Variants in TTC27 observed in about 807,000 individuals in gnomAD.
TTC27 encodes the protein tetratricopeptide repeat domain 27.
Under a neutral mutation model 115.9 loss-of-function variants are expected in TTC27, and 79 were observed. The ratio of observed to expected loss-of-function variants is 0.68; its 90% CI spans 0.57 to 0.82. The LOEUF (loss-of-function observed/expected upper bound fraction) is 0.82. TTC27 is among the 40% of genes least tolerant of loss of function. The pLI is 0.00. For synonymous variants in TTC27, 401 were observed against 356.0 expected, an observed-to-expected ratio of 1.13 and a Z score of -1.42; for missense variants, 1,054 against 993.1, an observed-to-expected ratio of 1.06 and a Z score of -0.82.
intron 14 of TTC27, among the ~76,000 whole-genome samples, chr2:32,779,428 G>GC (rs1035539345): frequency 2.5e-4 from 38 of 152,028 alleles, no homozygotes; most frequent in Non-Finnish European, 8.8e-5. Context: ...ATGCTTCTTG[G>GC]CCATTCGTAT....
intron 13 of TTC27, among the ~76,000 whole-genome samples, chr2:32,759,568 A>G (rs570168152): frequency 6.6e-6 from 1 of 152,352 alleles, no homozygotes; most frequent in South Asian, 2.1e-4. Flanking sequence ...CCTGGGCAAC[A>G]TAGTGAGACC....
At chr2:32,668,854 C>T (rs1036826432) in intron 7 of TTC27, among the ~76,000 whole-genome samples, 2 of 151,656 alleles carry the variant, frequency 1.3e-5, no homozygotes, top group African/African-American at 2.4e-5. Flanking sequence ...CCGAGGTGGA[C>T]GGATCATGAG....
At position 32,633,903 on chromosome 2, in the gene TTC27, G is replaced by T; in HGVS notation, c.294G>T (p.Val98=). The T allele has an allele frequency of 6.2e-7, 1 of 1,613,826 alleles. No homozygotes were observed. Among genetic ancestry groups the T allele is most frequent in the Non-Finnish European group, 8.5e-7 (1 of 1,179,884 alleles). ...AACAGTTGATATTTCTACTTGGTGTGAGCAGTTTGCAACTTTTTGTTCAGA... is the reference window on the plus strand; with the variant it reads ...AACAGTTGATATTTCTACTTGGTGTTAGCAGTTTGCAACTTTTTGTTCAGA... ...ERQQLIFLLG[V]SSLQLFVQSN... Residue 98 remains valine, a synonymous_variant, in exon 3 of 20, where the codon GTG becomes GTT. Transcript: ENST00000317907.
At chr2:32,762,909 G>A (rs1264489732) in intron 13 of TTC27, among the ~76,000 whole-genome samples, 4 of 152,162 alleles carry the variant, frequency 2.6e-5, no homozygotes, top group Admixed American at 6.5e-5. Flanking sequence ...CAAAGTGCTG[G>A]GATTACAGGC....
chr2:32,706,868 C>T (rs1667390178), intron 10 of TTC27, among the ~76,000 whole-genome samples: 1 of 152,186 alleles, frequency 6.6e-6, no homozygotes, highest in South Asian at 2.1e-4. Context: ...TGGCCCCCTT[C>T]TTTATTTTAG....
At chr2:32,813,911 T>C (rs1216150811) in intron 18 of TTC27, among the ~76,000 whole-genome samples, 2 of 152,168 alleles carry the variant, frequency 1.3e-5, no homozygotes, top group African/African-American at 4.8e-5. Flanking sequence ...AATAGAGCCG[T>C]AGAAGGATGT....
rs1232498309 is a variant in TTC27 at position 32,668,524 on chromosome 2, T to A, written c.939+1756T>A. ...TCTTTCTTTTCTTTTCTCCTTTTCT[T>A]CTTTCTTCCCTTCCTCCCTCCCTCC... On this transcript the variant is annotated intron_variant, in intron 7 of 19. Transcript: ENST00000317907. Among the ~76,000 whole-genome samples the A allele has an allele frequency of 2.6e-5, 3 of 113,814 alleles. No individual in the cohort carries two copies. In the Admixed American group the frequency reaches 2.6e-4, roughly 10 times the overall value. The allele number at this position is 113,814 out of a possible 152,430, so 74.7% of individuals were successfully genotyped here. A position where few individuals can be genotyped will look rare whatever the true frequency, so the allele number is the denominator to read the frequency against.
rs1194649930 is a variant in TTC27 at position 32,758,435 on chromosome 2, C to G, written c.1596C>G (p.Ser532=). 6.2e-7 allele frequency: 1 copy of G among 1,614,160 alleles called. No individual in the cohort carries two copies. Among genetic ancestry groups the G allele is most frequent in the Admixed American group, 1.7e-5 (1 of 60,022 alleles). Reference sequence around the variant, plus strand: ...ACCGCAGTGCTCGTGCTCAGCGCTCCAAAGCCCTCCTTCATCTTCGGAACA... The same window carrying G: ...ACCGCAGTGCTCGTGCTCAGCGCTCGAAAGCCCTCCTTCATCTTCGGAACA... ...SRYRSARAQR[S]KALLHLRNKE... is the part of the protein sequence containing the mutation. Residue 532 remains serine, a synonymous_variant, in exon 13 of 20, where the codon TCC becomes TCG. Transcript: ENST00000317907.
chr2:32,672,439 T>C (rs1666047015), intron 8 of TTC27, 55 bp downstream of exon 8: 8 of 1,310,578 alleles, frequency 6.1e-6, no homozygotes, highest in Non-Finnish European at 8.8e-6. Flanking sequence ...GATTCTCTTA[T>C]GTGTGGAGAA....
At chr2:32,698,761 T>C (rs1042205344) in intron 9 of TTC27, among the ~76,000 whole-genome samples, 1 of 152,140 alleles carries the variant, frequency 6.6e-6, no homozygotes, top group Non-Finnish European at 1.5e-5. Flanking sequence ...ATTACAGGCG[T>C]GAGCCACTGC....
In TTC27 at chr2:32,810,345, C is replaced by T. The variant is rs575064865; in HGVS notation, c.1999-679C>T. Among the ~76,000 whole-genome samples the T allele has an allele frequency of 1.1e-4, 16 of 152,196 alleles. No homozygotes were observed. The East Asian group carries it at 1.4e-3, about 13-fold the overall frequency. ...CTGTATTTAGGATTGTTTTCAACAA[C>T]GTTGTTTTCAATGTTGTCCTAAATA... On this transcript the variant is annotated intron_variant, in intron 16 of 19. Transcript: ENST00000317907.
At chr2:32,755,993 C>T (rs764490848) in intron 12 of TTC27, among the ~76,000 whole-genome samples, 1 of 152,216 alleles carries the variant, frequency 6.6e-6, no homozygotes, top group Non-Finnish European at 1.5e-5. Context: ...ATATCATGGA[C>T]TACCAGTGTT....
intron 9 of TTC27, among the ~76,000 whole-genome samples, chr2:32,692,338 C>G (rs1239391050): frequency 6.6e-6 from 1 of 151,996 alleles, no homozygotes; most frequent in Non-Finnish European, 1.5e-5. Context: ...GCATTTACAA[C>G]TATGTAATTC....
chr2:32,664,497 T>G, intron 6 of TTC27, 30 bp downstream of exon 6: 2 of 1,574,774 alleles, frequency 1.3e-6, no homozygotes. Flanking sequence ...GATAATTGAT[T>G]TTATTTTTAT....
intron 13 of TTC27, among the ~76,000 whole-genome samples, chr2:32,762,419 T>TG (rs1393694542): frequency 6.6e-6 from 1 of 152,046 alleles, no homozygotes; most frequent in Non-Finnish European, 1.5e-5. Context: ...GGAGCCAGGC[T>TG]GTGAAACGTC....
At chr2:32,793,973 T>G (rs1670621726) in intron 16 of TTC27, among the ~76,000 whole-genome samples, 1 of 152,204 alleles carries the variant, frequency 6.6e-6, no homozygotes, top group East Asian at 1.9e-4. Context: ...TTTAAGAGAC[T>G]AATGCATTAA....
intron 16 of TTC27, among the ~76,000 whole-genome samples, chr2:32,795,725 G>GTATTATTAT (rs3081615): frequency 0.13 from 18,054 of 138,546 alleles, 1,337 homozygotes; most frequent in Middle Eastern, 0.2. Context: ...GCTAATTTTT[G>GTATTATTAT]TATTATTATT....
In TTC27 at chr2:32,798,310, G is replaced by T. The variant is rs1372768331; in HGVS notation, c.1998+11161G>T. Among the ~76,000 whole-genome samples the T allele has an allele frequency of 3.3e-5, 5 of 152,024 alleles. No homozygotes were observed. In the East Asian group the frequency reaches 9.7e-4, roughly 29 times the overall value. On this transcript the variant is annotated intron_variant, in intron 16 of 19. Coordinates refer to ENST00000317907, the MANE Select transcript of TTC27 (RefSeq NM_017735.5). ...AGCTATTTGGGAGACTGAGGCAGGA[G>T]AATGGAGTGGACCCAGGAGGTGGAG...
In TTC27 at chr2:32,653,593, C is replaced by CAA. The variant is rs762255156; in HGVS notation, c.640+3372_640+3373dup. On this transcript the variant is annotated intron_variant, in intron 5 of 19. Transcript: ENST00000317907. The stretch of plus-strand genomic sequence containing the variant: ...TGGATGACAGAGTGAGACTCCATCT[C>CAA]AAAAAAAAAAAAACAAAAAAAAAAC... 9.0e-4 allele frequency among the ~76,000 whole-genome samples: 85 copies of CAA among 94,232 alleles called. 1 individual carries two copies. In the East Asian group the frequency reaches 0.011, roughly 12 times the overall value. The allele number at this position is 94,232 out of a possible 152,430, so 61.8% of individuals were successfully genotyped here. A position where few individuals can be genotyped will look rare whatever the true frequency, so the allele number is the denominator to read the frequency against.
Sources: allele counts gnomAD v4.1 joint callset (sites outside exome capture counted in the v4.1 genomes callset), GRCh38; gene constraint gnomAD v4.1.1; transcripts MANE v1.5; gene names NCBI Gene and HGNC (gene_info 2026-07-23, HGNC 2026-07-21).